The following KAZALD1 variants were observed in gnomAD, a reference collection of about 807,000 sequenced individuals.
KAZALD1 encodes the protein kazal-type serine protease inhibitor domain-containing protein 1.
Under a neutral mutation model 27.7 loss-of-function variants are expected in KAZALD1, and 31 were observed. The ratio of observed to expected loss-of-function variants is 1.12; its 90% CI spans 0.84 to 1.51. KAZALD1 has a LOEUF of 1.51. Among genes scored for constraint, KAZALD1 ranks in the 40% most tolerant of loss-of-function variants. The pLI, the probability that KAZALD1 is intolerant of heterozygous loss-of-function variation, is 0.00. For synonymous variants in KAZALD1, 179 were observed against 182.0 expected (o/e 0.98, Z 0.13); for missense variants, 444 against 408.9 (o/e 1.09, Z -0.74).
At chr10:101,063,337 C>T (rs1411921120) in intron 2 of KAZALD1, among the ~76,000 whole-genome samples, 1 of 152,094 alleles carries the variant, frequency 6.6e-6, no homozygotes, top group African/African-American at 2.4e-5. Context: ...AAGCTGCATT[C>T]GCTGAACCAC....
At chr10:101,064,690 T>C in intron 4 of KAZALD1, 42 bp downstream of exon 4, 1 of 1,611,958 alleles carries the variant, frequency 6.2e-7, no homozygotes. Flanking sequence ...GGGATGGTGC[T>C]GGATTCCAGT....
chr10:101,066,244 A>G lies in KAZALD1; in HGVS notation c.*1324A>G, dbSNP rs1939315135. The G allele has an allele frequency of 5.6e-6, 2 of 358,248 alleles. No homozygotes were observed. The allele number at this position is 358,248 out of a possible 1,614,324, so 22.2% of individuals were successfully genotyped here. A position where few individuals can be genotyped will look rare whatever the true frequency, so the allele number is the denominator to read the frequency against. ...AGGGCTCCACCCGGATCCTGGCGCCACTGCGGGAGGGCCTGCCCTTGGCTC... is the reference window on the plus strand; with the variant it reads ...AGGGCTCCACCCGGATCCTGGCGCCGCTGCGGGAGGGCCTGCCCTTGGCTC... On this transcript the variant is annotated 3_prime_UTR_variant, in exon 5 of 5. Transcript: ENST00000370200.
intron 2 of KAZALD1, 41 bp downstream of exon 2, chr10:101,063,144 C>T (rs751707499): frequency 6.8e-7 from 1 of 1,469,780 alleles, no homozygotes; most frequent in South Asian, 1.4e-5. Context: ...ACTTAGGTTT[C>T]CTAGAGGCAC....
In KAZALD1 at chr10:101,066,264, T is replaced by G. The variant is rs922337988; in HGVS notation, c.*1344T>G. ...GCGCCACTGCGGGAGGGCCTGCCCT[T>G]GGCTCAGCGTCAGAGTTTGTCCTCT... is the stretch of plus-strand genomic sequence containing the variant. On this transcript the variant is annotated 3_prime_UTR_variant, in exon 5 of 5. Coordinates refer to ENST00000370200, the MANE Select transcript of KAZALD1 (RefSeq NM_030929.5). 1.6e-5 allele frequency: 6 copies of G among 385,316 alleles called. No homozygotes were observed. The highest frequency in any genetic ancestry group is 2.7e-5 in the Non-Finnish European group (5 of 186,864). 23.9% of individuals were successfully genotyped at this position (385,316 alleles called of 1,614,324 possible).
chr10:101,062,398 C>T, intron 1 of KAZALD1, 144 bp from the exon 2 acceptor site: 1 of 724,322 alleles, frequency 1.4e-6, no homozygotes, highest in Middle Eastern at 4.0e-4. Flanking sequence ...TAGAGGGTCA[C>T]TAGGCCTGTG....
Position 101,062,603 on chromosome 10 carries a change from C to T in KAZALD1, c.11C>T (p.Pro4Leu), listed in dbSNP as rs754518965. The change falls in exon 2 of 5, where the codon CCG (proline) becomes CTG (leucine). Residue 4 changes from proline (P) to leucine (L), a missense_variant. Coordinates refer to ENST00000370200, the MANE Select transcript of KAZALD1 (RefSeq NM_030929.5). MLP[P>L]PRPAAALALP... ...GGCTTCCCGCTAACCATGCTGCCGC[C>T]GCCGCGGCCCGCAGCTGCCTTGGCG... 1 of 1,582,898 alleles carries T rather than the reference C, an allele frequency of 6.3e-7. No homozygotes were observed. The highest frequency in any genetic ancestry group is 2.3e-5 in the East Asian group (1 of 43,484).
chr10:101,064,677 G>A, intron 4 of KAZALD1, 29 bp downstream of exon 4: 1 of 1,612,256 alleles, frequency 6.2e-7, no homozygotes, highest in Non-Finnish European at 8.5e-7. Flanking sequence ...TCTGGGGGTT[G>A]GGGGGATGGT....
intron 1 of KAZALD1, 128 bp from the exon 2 acceptor site, chr10:101,062,414 G>C (rs530892915): frequency 1.2e-6 from 1 of 867,864 alleles, no homozygotes; most frequent in East Asian, 3.0e-5. Flanking sequence ...CTGTGTGTTG[G>C]GGGAGGCTAC....
chr10:101,066,090 C>A lies in KAZALD1; in HGVS notation c.*1170C>A, dbSNP rs1350488102. Among the ~76,000 whole-genome samples the A allele has an allele frequency of 6.6e-6, 1 of 152,262 alleles. No homozygotes were observed. The highest frequency in any genetic ancestry group is 1.5e-5 in the Non-Finnish European group (1 of 68,046). On this transcript the variant is annotated 3_prime_UTR_variant, in exon 5 of 5. Transcript: ENST00000370200. ...CTTGGGGTCCCCAAATCTCTTTCCT[C>A]ATTCTCCTTACCTATCCCAGGGACA...
rs534086778 is a variant in KAZALD1 at position 101,064,668 on chromosome 10, C to T, written c.820+20C>T. ...CACCTGGTAAGGGGATTCCTGAGTTCTGGGGGTTGGGGGGATGGTGCTGGA... is the reference window on the plus strand; with the variant it reads ...CACCTGGTAAGGGGATTCCTGAGTTTTGGGGGTTGGGGGGATGGTGCTGGA... On this transcript the variant is annotated intron_variant, in intron 4 of 4. Coordinates refer to ENST00000370200, the MANE Select transcript of KAZALD1 (RefSeq NM_030929.5). The T allele has an allele frequency of 6.2e-7, 1 of 1,613,042 alleles. No individual in the cohort carries two copies. The highest frequency in any genetic ancestry group is 2.2e-5 in the East Asian group (1 of 44,880).
intron 1 of KAZALD1, 108 bp downstream of exon 1, chr10:101,062,223 A>T: frequency 3.7e-6 from 1 of 268,366 alleles, no homozygotes; most frequent in Non-Finnish European, 7.1e-6. Context: ...TCTTTGGGCA[A>T]GGATGCTCAG....
downstream of KAZALD1, chr10:101,067,487 G>A (rs1484132555): frequency 5.5e-6 from 2 of 365,312 alleles, no homozygotes; most frequent in Non-Finnish European, 1.1e-5. Context: ...TCCAGGTCTC[G>A]GCCGGGCTCT....
downstream of KAZALD1, chr10:101,067,887 C>T: frequency 2.1e-6 from 1 of 469,946 alleles, no homozygotes. Flanking sequence ...ACCCTCACCA[C>T]GCTGGTGGGG....
rs749351817 is a variant in KAZALD1 at position 101,064,839 on chromosome 10, T to C, written c.834T>C (p.Ser278=). 1 of 1,614,160 alleles carries C rather than the reference T, an allele frequency of 6.2e-7. No homozygotes were observed. The highest frequency in any genetic ancestry group is 1.1e-5 in the South Asian group (1 of 91,084). ...LTVLTPDQLN[S]TGIPQLRSLN... is the part of the protein sequence containing the mutation. ...GTGTGTTTGCAGACCAGCTGAACTCTACAGGCATCCCCCAGCTGCGATCAC... is the reference window on the plus strand; with the variant it reads ...GTGTGTTTGCAGACCAGCTGAACTCCACAGGCATCCCCCAGCTGCGATCAC... Residue 278 remains serine (S), a synonymous_variant, in exon 5 of 5, where the codon TCT becomes TCC. Coordinates refer to ENST00000370200, the MANE Select transcript of KAZALD1 (RefSeq NM_030929.5).
chr10:101,065,166 T>A lies in KAZALD1; in HGVS notation c.*246T>A. Reference sequence around the variant, plus strand: ...GGTACAAAGGGGCCCATGCAGGAGATGCCCTGGCCAGTAGGACCTCCAACA... The same window carrying A: ...GGTACAAAGGGGCCCATGCAGGAGAAGCCCTGGCCAGTAGGACCTCCAACA... On this transcript the variant is annotated 3_prime_UTR_variant, in exon 5 of 5. Coordinates refer to ENST00000370200, the MANE Select transcript of KAZALD1 (RefSeq NM_030929.5). The A allele has an allele frequency of 2.1e-6, 1 of 487,126 alleles. No homozygotes were observed. Among genetic ancestry groups the A allele is most frequent in the South Asian group, 2.4e-5 (1 of 42,546 alleles). The allele number at this position is 487,126 out of a possible 1,614,324, so 30.2% of individuals were successfully genotyped here.
At chr10:101,063,700 A>G (rs1025994044) in intron 2 of KAZALD1, among the ~76,000 whole-genome samples, 6 of 152,230 alleles carry the variant, frequency 3.9e-5, no homozygotes, top group African/African-American at 1.4e-4. Context: ...GGGCAGCCAG[A>G]AAACAAACAC....
intron 2 of KAZALD1, among the ~76,000 whole-genome samples, chr10:101,063,313 C>T (rs41310288): frequency 8.1e-4 from 123 of 152,218 alleles, no homozygotes; most frequent in Middle Eastern, 3.4e-3. Flanking sequence ...GTGGGAGTCC[C>T]GGGCTTCGTC....
chr10:101,067,759 G>T (rs1428007445), downstream of KAZALD1: 3 of 366,396 alleles, frequency 8.2e-6, no homozygotes, highest in Non-Finnish European at 1.7e-5. Context: ...GTCGATGTGC[G>T]GACTGGGCAG....
Position 101,062,660 on chromosome 10 carries a change from T to C in KAZALD1, c.68T>C (p.Leu23Pro). ...LPVLLLLLVV[L>P]TPPPTGARPS... is the part of the protein sequence containing the mutation. ...GTGCTCCTGCTACTGCTGGTGGTGC[T>C]GACGCCGCCCCCGACCGGCGCAAGG... The change falls in exon 2 of 5, where the codon CTG (leucine) becomes CCG (proline). Residue 23 changes from leucine to proline, a missense_variant. Leu to Pro is a moderately conservative substitution (Grantham distance 98). Coordinates refer to ENST00000370200, the MANE Select transcript of KAZALD1 (RefSeq NM_030929.5). 1 of 1,557,248 alleles carries C rather than the reference T, an allele frequency of 6.4e-7. No individual in the cohort carries two copies. The highest frequency in any genetic ancestry group is 8.6e-7 in the Non-Finnish European group (1 of 1,160,090).
Sources: allele counts gnomAD v4.1 joint callset (sites outside exome capture counted in the v4.1 genomes callset), GRCh38; gene constraint gnomAD v4.1.1; transcripts MANE v1.5; gene names NCBI Gene and HGNC (gene_info 2026-07-23, HGNC 2026-07-21).